Variants in MYO1F observed in about 807,000 individuals in gnomAD.
The protein encoded by MYO1F is unconventional myosin-If.
Under a neutral mutation model 146.6 loss-of-function variants are expected in MYO1F, and 60 were observed. The observed-to-expected ratio is 0.41, with a 90% CI of 0.33 to 0.51. The LOEUF (loss-of-function observed/expected upper bound fraction) is 0.51, where lower values mean the gene tolerates loss of function less well. Ranked by LOEUF, MYO1F falls within the 20% of genes least tolerant of loss-of-function variation. The probability of loss-of-function intolerance (pLI) is 0.25; values close to 1 mark genes in which losing one functional copy is unlikely to be tolerated. For missense variants in MYO1F, 1,274 were observed against 1,534.3 expected, an observed-to-expected ratio of 0.83 and a Z score of 2.83; for synonymous variants, 602 against 602.1, an observed-to-expected ratio of 1.00 and a Z score of 0.00.
chr19:8,526,864 G>C lies in MYO1F; in HGVS notation c.2546C>G (p.Thr849Ser). Residue 849 changes from threonine (T) to serine (S), a missense_variant, in exon 23 of 28, where the codon ACC becomes AGC. Physicochemically the swap from Thr to Ser is moderately conservative, Grantham distance 58 (BLOSUM62 1). Around this residue, in one of 2 missense-constraint regions of MYO1F, gnomAD observed 374 missense variants for 379.2 expected, o/e 0.99. Coordinates refer to ENST00000644032, the MANE Select transcript of MYO1F (RefSeq NM_012335.4). ...ADSFLESVFK[T>S]EFVSLLCKRF... ...CTTGCACAGAAGGCTGACAAACTCG[G>C]TCTTGAAGACGCTCTCCAGGAAGCT... 6.2e-7 allele frequency: 1 copy of C among 1,614,066 alleles called. No individual in the cohort carries two copies. Among genetic ancestry groups the C allele is most frequent in the African/African-American group, 1.3e-5 (1 of 75,044 alleles).
intron 6 of MYO1F, among the ~76,000 whole-genome samples, chr19:8,552,482 G>A (rs754084123): frequency 6.6e-6 from 1 of 152,018 alleles, no homozygotes; most frequent in Non-Finnish European, 1.5e-5. Flanking sequence ...GGCCAGGCTG[G>A]TCTTGAACTC....
intron 11 of MYO1F, 35 bp from the exon 12 acceptor site, chr19:8,548,157 T>G: frequency 1.2e-6 from 2 of 1,613,362 alleles, no homozygotes; most frequent in Middle Eastern, 1.7e-4. Flanking sequence ...TCCCTCAATG[T>G]CCTGGTGCTG....
In MYO1F at chr19:8,536,312, G is replaced by A. The variant is rs748591477; in HGVS notation, c.1983C>T (p.Asn661=). ...QGVQHLLRAV[N]MEPDQYQMGS... is the part of the protein sequence containing the mutation. ...CCATCTGGTACTGGTCGGGCTCCAT[G>A]TTGACCGCCCGAAGCAGGTGCTGGA... The change falls in exon 19 of 28, where the codon AAC becomes AAT. Residue 661 remains asparagine, a synonymous_variant. Transcript: ENST00000644032. 2.5e-6 allele frequency: 4 copies of A among 1,608,066 alleles called. No homozygotes were observed. Among genetic ancestry groups the A allele is most frequent in the Middle Eastern group, 1.6e-4 (1 of 6,084 alleles).
Position 8,537,020 on chromosome 19 carries a change from C to T in MYO1F, c.1728G>A (p.Arg576=), listed in dbSNP as rs748331597. ...QANDLVATLM[R]CTPHYIRCIK... ...TGCAGCGGATGTAGTGGGGTGTGCA[C>T]CTCATCAGTGTGGCCACCAGGTCGT... Residue 576 remains arginine, a synonymous_variant, in exon 17 of 28, where the codon AGG becomes AGA. Coordinates refer to ENST00000644032, the MANE Select transcript of MYO1F (RefSeq NM_012335.4). 8.7e-6 allele frequency: 14 copies of T among 1,613,070 alleles called. No homozygotes were observed. The highest frequency in any genetic ancestry group is 1.2e-5 in the Non-Finnish European group (14 of 1,179,764).
At position 8,543,930 on chromosome 19, in the gene MYO1F, G is replaced by C. The variant is rs550455587; in HGVS notation, c.1524+367C>G. Reference sequence around the variant, plus strand: ...GGTGGTGGTGGTGGTGGTGGTGGTGGTGGTGGTGCTGGTGGTGCTGGTGGT... The same window carrying C: ...GGTGGTGGTGGTGGTGGTGGTGGTGCTGGTGGTGCTGGTGGTGCTGGTGGT... On this transcript the variant is annotated intron_variant, in intron 14 of 27. Transcript: ENST00000644032. 3.6e-3 allele frequency: 898 copies of C among 251,146 alleles called. 26 individuals are homozygous for C. The highest frequency in any genetic ancestry group is 3.8e-3 in the Non-Finnish European group (537 of 139,568). 15.6% of individuals were successfully genotyped at this position (251,146 alleles called of 1,614,324 possible). A position where few individuals can be genotyped will look rare whatever the true frequency, so the allele number is the denominator to read the frequency against.
Position 8,524,481 on chromosome 19 carries a change from G to C in MYO1F, c.2854+998C>G, listed in dbSNP as rs112548189. On this transcript the variant is annotated intron_variant, in intron 25 of 27. Transcript: ENST00000644032. The stretch of plus-strand genomic sequence containing the variant: ...ACGCCTGTAGTCCCAGCTACTCAGG[G>C]GGCTGAGGCAGGAGAATCGCTTGAA... 9.4e-3 allele frequency among the ~76,000 whole-genome samples: 1,425 copies of C among 151,030 alleles called. 27 individuals carry two copies. The highest frequency in any genetic ancestry group is 0.033 in the African/African-American group (1,357 of 41,036).
At chr19:8,566,573 G>A (rs2042009097) in intron 1 of MYO1F, among the ~76,000 whole-genome samples, 1 of 151,524 alleles carries the variant, frequency 6.6e-6, no homozygotes, top group South Asian at 2.1e-4. Flanking sequence ...GAGTGCAGTG[G>A]CATGATCTTG....
intron 4 of MYO1F, among the ~76,000 whole-genome samples, chr19:8,553,920 T>TCTCTCTCTCTCG (rs1329711097): frequency 2.7e-5 from 4 of 147,860 alleles, no homozygotes; most frequent in Non-Finnish European, 6.1e-5. Flanking sequence ...TCTCTCTCTC[T>TCTCTCTCTCTCG]CTCGCTCTCT....
chr19:8,525,573 A>T lies in MYO1F; in HGVS notation c.2771-11T>A, dbSNP rs199561792. The T allele has an allele frequency of 1.9e-6, 3 of 1,609,732 alleles. No homozygotes were observed. Among genetic ancestry groups the T allele is most frequent in the African/African-American group, 2.7e-5 (2 of 74,974 alleles). ...CCTTCCGCGTAGGCTCTGAAAGAAG[A>T]GTGTCAGGGAGTTGAATGACAGACA... is the stretch of plus-strand genomic sequence containing the variant. On this transcript the variant is annotated splice_polypyrimidine_tract_variant and intron_variant, in intron 24 of 27. Coordinates refer to ENST00000644032, the MANE Select transcript of MYO1F (RefSeq NM_012335.4).
chr19:8,525,508 G>C lies in MYO1F; in HGVS notation c.2825C>G (p.Pro942Arg). The C allele has an allele frequency of 1.2e-6, 2 of 1,613,530 alleles. No homozygotes were observed. The highest frequency in any genetic ancestry group is 1.7e-6 in the Non-Finnish European group (2 of 1,179,970). The change falls in exon 25 of 28, where the codon CCT (proline) becomes CGT (arginine). Residue 942 changes from proline to arginine, a missense_variant. Physicochemically the swap from Pro to Arg is moderately radical, Grantham distance 103 (BLOSUM62 -2). Transcript: ENST00000644032. Reference protein sequence around the residue: ...KGKPRRSSQAPTRAAPAPPRG... With the variant: ...KGKPRRSSQARTRAAPAPPRG... ...GGGGGGCGCAGGGGCCGCCCGGGTA[G>C]GGGCTTGGGACGACCTCCGAGGTTT...
intron 23 of MYO1F, 29 bp from the exon 24 acceptor site, chr19:8,526,630 G>T: frequency 1.3e-6 from 2 of 1,571,212 alleles, no homozygotes; most frequent in Non-Finnish European, 1.7e-6. Context: ...GCTTGGGGGC[G>T]CTGGCTGAGG....
chr19:8,527,195 G>A, intron 22 of MYO1F, 143 bp downstream of exon 22: 1 of 1,197,960 alleles, frequency 8.3e-7, no homozygotes, highest in Non-Finnish European at 1.2e-6. Flanking sequence ...TAGGGGGCAG[G>A]TGAACATGAC....
In MYO1F at chr19:8,554,541, C is replaced by A. The variant is rs775459301; in HGVS notation, c.262G>T (p.Ala88Ser). 1 of 1,613,440 alleles carries A rather than the reference C, an allele frequency of 6.2e-7. No individual in the cohort carries two copies. Among genetic ancestry groups the A allele is most frequent in the Non-Finnish European group, 8.5e-7 (1 of 1,179,698 alleles). The change falls in exon 4 of 28, where the codon GCC becomes TCC. Residue 88 changes from alanine (A) to serine (S), a missense_variant. This residue lies in a region of MYO1F where 900 missense variants were observed against 1,155.1 expected (regional missense o/e 0.78). Coordinates refer to ENST00000644032, the MANE Select transcript of MYO1F (RefSeq NM_012335.4). The part of the protein sequence containing the change: ...AQYENPPHIY[A>S]LTDNMYRNML... ...TTCCGGTACATGTTGTCCGTGAGGG[C>A]GTAGATGTGCGGGGGATTCTCATAC...
chr19:8,524,392 G>A (rs1256601453), intron 25 of MYO1F, among the ~76,000 whole-genome samples: 1 of 144,132 alleles, frequency 6.9e-6, no homozygotes, highest in Non-Finnish European at 1.5e-5. Flanking sequence ...ACCCCAGCCT[G>A]GGCAACAGGG....
intron 14 of MYO1F, 174 bp downstream of exon 14, chr19:8,544,123 T>C (rs763405821): frequency 2.8e-6 from 2 of 721,164 alleles, no homozygotes; most frequent in Non-Finnish European, 4.7e-6. Context: ...CGGAAGGGTC[T>C]GTAGTTCTGG....
intron 25 of MYO1F, among the ~76,000 whole-genome samples, chr19:8,524,854 G>C (rs900019298): frequency 6.6e-6 from 1 of 152,120 alleles, no homozygotes; most frequent in Non-Finnish European, 1.5e-5. Flanking sequence ...CAGAGAAAAC[G>C]GCCCAAAGGC....
intron 16 of MYO1F, among the ~76,000 whole-genome samples, chr19:8,538,970 T>C (rs1466822869): frequency 6.6e-6 from 1 of 150,408 alleles, no homozygotes; most frequent in Non-Finnish European, 1.5e-5. Context: ...TTAATACCAC[T>C]GAACATTAAA....
chr19:8,557,503 A>G (rs1398877299), intron 1 of MYO1F, among the ~76,000 whole-genome samples: 1 of 152,062 alleles, frequency 6.6e-6, no homozygotes, highest in Non-Finnish European at 1.5e-5. Context: ...GGGTCTTGCT[A>G]TGTTGCCCTG....
intron 14 of MYO1F, 65 bp downstream of exon 14, chr19:8,544,232 G>T: frequency 2.6e-6 from 4 of 1,563,492 alleles, no homozygotes. Context: ...GAGGGTGGGG[G>T]CTACAGCCTG....
Sources: gnomAD v4.1 joint callset for allele counts (sites outside exome capture counted in the v4.1 genomes callset) on GRCh38, gnomAD v4.1.1 for gene constraint, gnomAD v4.1.1 regional missense constraint, MANE v1.5 for transcripts, NCBI Gene and HGNC (gene_info 2026-07-23, HGNC 2026-07-21) for gene names.